The following HORMAD2 variants were observed in gnomAD, a reference collection of about 807,000 sequenced individuals.
The protein encoded by HORMAD2 is HORMA domain containing 2.
A neutral mutation model predicts 38.8 loss-of-function variants in HORMAD2; 45 were observed. That is an observed-to-expected ratio of 1.16 (90% CI 0.91 to 1.49). HORMAD2 has a LOEUF of 1.49. HORMAD2 is among the 40% of genes most tolerant of loss of function. The probability of loss-of-function intolerance (pLI) is 0.00; values close to 1 mark genes in which losing one functional copy is unlikely to be tolerated. For missense variants in HORMAD2, 338 were observed against 367.0 expected (o/e 0.92, Z 0.65); for synonymous variants, 126 against 122.8 (o/e 1.03, Z -0.17).
At chr22:30,188,626 G>A in the HORMAD2 span, among the ~76,000 whole-genome samples, 3 of 152,192 alleles carry the variant, frequency 2.0e-5, no homozygotes, top group Non-Finnish European at 4.4e-5. Flanking sequence ...CTTATCCAAT[G>A]TTCTAACTTG....
chr22:30,102,532 A>G (rs1188183968), intron 3 of HORMAD2, among the ~76,000 whole-genome samples: 2 of 152,222 alleles, frequency 1.3e-5, no homozygotes, highest in Non-Finnish European at 2.9e-5. Flanking sequence ...GGTAACATCA[A>G]TTTTAGTATA....
At chr22:30,138,569 A>G (rs1320322245) in intron 10 of HORMAD2, among the ~76,000 whole-genome samples, 1 of 152,110 alleles carries the variant, frequency 6.6e-6, no homozygotes, top group African/African-American at 2.4e-5. Flanking sequence ...TACAATTTAT[A>G]AATATTGTCT....
upstream of HORMAD2, among the ~76,000 whole-genome samples, chr22:30,079,745 T>C (rs1451039903): frequency 6.6e-6 from 1 of 152,154 alleles, no homozygotes; most frequent in Non-Finnish European, 1.5e-5. Flanking sequence ...AATGGCGGAA[T>C]CTCGGCTCAC....
intron 5 of HORMAD2, among the ~76,000 whole-genome samples, chr22:30,110,179 A>G (rs1012763354): frequency 2.0e-5 from 3 of 152,188 alleles, no homozygotes. Context: ...AATACAGTTG[A>G]ACTCATTACA....
chr22:30,194,381 T>A, the HORMAD2 span, among the ~76,000 whole-genome samples: 1 of 152,206 alleles, frequency 6.6e-6, no homozygotes, highest in Non-Finnish European at 1.5e-5. Flanking sequence ...CAGGGTGACA[T>A]GATAACTGTC....
the HORMAD2 span, among the ~76,000 whole-genome samples, chr22:30,195,775 T>G: frequency 3.3e-5 from 5 of 152,154 alleles, no homozygotes; most frequent in African/African-American, 9.7e-5. Context: ...ACCTACATGA[T>G]TACCTGGAAC....
At chr22:30,183,640 CAGTT>C in the HORMAD2 span, among the ~76,000 whole-genome samples, 1 of 152,220 alleles carries the variant, frequency 6.6e-6, no homozygotes, top group South Asian at 2.1e-4. Flanking sequence ...GAAGGTCACA[CAGTT>C]AGTACATAGC....
At chr22:30,195,097 G>A in the HORMAD2 span, among the ~76,000 whole-genome samples, 2 of 150,640 alleles carry the variant, frequency 1.3e-5, no homozygotes, top group Non-Finnish European at 2.9e-5. Context: ...GGAGGCTGAG[G>A]CAAGAGAATT....
At chr22:30,147,122 T>A (rs921975711) in intron 10 of HORMAD2, among the ~76,000 whole-genome samples, 1 of 152,206 alleles carries the variant, frequency 6.6e-6, no homozygotes, top group African/African-American at 2.4e-5. Context: ...CAAATTGATC[T>A]ATACATTCAA....
At chr22:30,205,740 T>C in the HORMAD2 span, among the ~76,000 whole-genome samples, 1 of 152,028 alleles carries the variant, frequency 6.6e-6, no homozygotes, top group East Asian at 1.9e-4. Context: ...AGGGATCTGG[T>C]TATAAGCCAT....
At chr22:30,105,530 C>T (rs1190907332) in intron 5 of HORMAD2, 1 of 152,278 alleles carries the variant, frequency 6.6e-6, no homozygotes, top group Admixed American at 6.5e-5. Flanking sequence ...TTTAAGAAAT[C>T]TTGAGGTCAG....
At chr22:30,203,755 CAT>C in the HORMAD2 span, among the ~76,000 whole-genome samples, 6 of 152,346 alleles carry the variant, frequency 3.9e-5, no homozygotes, top group South Asian at 2.1e-4. Flanking sequence ...GCAAAACACA[CAT>C]GTTCTCCCTC....
Position 30,176,454 on chromosome 22 carries a change from A to T in HORMAD2, c.*287A>T. On this transcript the variant is annotated 3_prime_UTR_variant, in exon 11 of 11. Transcript: ENST00000336726. ...ATTATATTTGTAAAAGAACCACAGC[A>T]GCTATTTTGGAAAGAAGCTGTTGTT... is the stretch of plus-strand genomic sequence containing the variant. The T allele has an allele frequency of 3.4e-6, 1 of 298,432 alleles. No homozygotes were observed. Among genetic ancestry groups the T allele is most frequent in the Non-Finnish European group, 6.3e-6 (1 of 159,800 alleles). 18.5% of individuals were successfully genotyped at this position (298,432 alleles called of 1,614,324 possible).
intron 10 of HORMAD2, among the ~76,000 whole-genome samples, chr22:30,152,882 T>G (rs1235832339): frequency 6.6e-6 from 1 of 152,186 alleles, no homozygotes; most frequent in African/African-American, 2.4e-5. Flanking sequence ...AAGCATCACG[T>G]GTATGCTGTC....
the HORMAD2 span, chr22:30,207,126 G>A: frequency 2.1e-6 from 1 of 470,356 alleles, no homozygotes; most frequent in South Asian, 1.6e-5. Flanking sequence ...AGGCGGGAAT[G>A]CAGAGAATGT....
intron 10 of HORMAD2, among the ~76,000 whole-genome samples, chr22:30,139,372 T>A (rs981765729): frequency 2.0e-5 from 3 of 147,996 alleles, no homozygotes; most frequent in Non-Finnish European, 3.0e-5. Flanking sequence ...ATATATATAT[T>A]TTTTCATCCT....
At chr22:30,160,568 A>G (rs1925380397) in intron 10 of HORMAD2, among the ~76,000 whole-genome samples, 2 of 152,188 alleles carry the variant, frequency 1.3e-5, no homozygotes, top group African/African-American at 2.4e-5. Flanking sequence ...GCAAGGATGT[A>G]AAAGAAACTA....
chr22:30,196,308 G>A, the HORMAD2 span, among the ~76,000 whole-genome samples: 21 of 152,200 alleles, frequency 1.4e-4, no homozygotes, highest in South Asian at 4.1e-4. Context: ...AAGCAAGCAC[G>A]TCAAGTGATG....
At chr22:30,144,636 G>C (rs1924297653) in intron 10 of HORMAD2, among the ~76,000 whole-genome samples, 1 of 151,972 alleles carries the variant, frequency 6.6e-6, no homozygotes, top group Admixed American at 6.6e-5. Flanking sequence ...GTGGAGGGGG[G>C]ACAGTAGACT....
Sources: allele counts gnomAD v4.1 joint callset (sites outside exome capture counted in the v4.1 genomes callset), GRCh38; gene constraint gnomAD v4.1.1; transcripts MANE v1.5; gene names NCBI Gene and HGNC (gene_info 2026-07-23, HGNC 2026-07-21).